SPATA9: variants seen among roughly 807,000 people sequenced by gnomAD.
SPATA9 encodes spermatogenesis-associated protein 9.
A neutral mutation model predicts 25.5 loss-of-function variants in SPATA9; 27 were observed. The observed-to-expected ratio is 1.06, with a 90% CI of 0.78 to 1.46. SPATA9 has a LOEUF of 1.46. Ranked by LOEUF, SPATA9 falls within the 40% of genes most tolerant of loss-of-function variation. The pLI, the probability that SPATA9 is intolerant of heterozygous loss-of-function variation, is 0.00. For synonymous variants in SPATA9, 102 were observed against 105.7 expected (o/e 0.97, Z 0.21); for missense variants, 282 against 297.5 (o/e 0.95, Z 0.38).
the SPATA9 span, chr5:95,732,057 G>C: frequency 6.2e-7 from 1 of 1,614,234 alleles, no homozygotes; most frequent in Non-Finnish European, 8.5e-7. Flanking sequence ...GGAATGTCAA[G>C]CTGGTGGTCC....
downstream of SPATA9, chr5:95,654,196 C>T (rs371927557): frequency 1.1e-5 from 18 of 1,612,852 alleles, no homozygotes; most frequent in South Asian, 3.3e-5. Flanking sequence ...TCATTTTCTA[C>T]CACAAGGGAG....
intron 3 of SPATA9, among the ~76,000 whole-genome samples, chr5:95,674,428 C>T (rs1422807741): frequency 1.3e-5 from 2 of 152,138 alleles, no homozygotes; most frequent in African/African-American, 2.4e-5. Flanking sequence ...CATCTCATGT[C>T]CTTGGTTTAG....
chr5:95,691,851 T>C (rs1303912027), intron 1 of SPATA9, among the ~76,000 whole-genome samples: 1 of 152,182 alleles, frequency 6.6e-6, no homozygotes, highest in Non-Finnish European at 1.5e-5. Context: ...ATCTTTATCA[T>C]ATTTAGTTTC....
At chr5:95,660,180 G>A (rs929118540) in intron 4 of SPATA9, among the ~76,000 whole-genome samples, 2 of 152,106 alleles carry the variant, frequency 1.3e-5, no homozygotes, top group African/African-American at 4.8e-5. Context: ...GGTCTGGTGA[G>A]GGCTGGTTTT....
chr5:95,705,253 C>T, the SPATA9 span, among the ~76,000 whole-genome samples: 2 of 152,160 alleles, frequency 1.3e-5, no homozygotes, highest in Non-Finnish European at 1.5e-5. Context: ...AGGCGTGAGC[C>T]ACCATGCCTA....
the SPATA9 span, among the ~76,000 whole-genome samples, chr5:95,725,780 C>T: frequency 6.6e-6 from 1 of 151,080 alleles, no homozygotes; most frequent in Non-Finnish European, 1.5e-5. Context: ...TGTGGTTGCT[C>T]TCATTGTAAT....
chr5:95,657,320 G>C (rs1159213387), downstream of SPATA9: 2 of 151,810 alleles, frequency 1.3e-5, no homozygotes, highest in Non-Finnish European at 2.9e-5. Flanking sequence ...TGGTCATACC[G>C]TACCAGTTGT....
intron 4 of SPATA9, among the ~76,000 whole-genome samples, chr5:95,659,860 T>C (rs1253462622): frequency 6.6e-6 from 1 of 152,148 alleles, no homozygotes; most frequent in Non-Finnish European, 1.5e-5. Flanking sequence ...TAAAATGATA[T>C]GTCTGCTGGG....
the SPATA9 span, chr5:95,719,896 T>C: frequency 6.6e-6 from 1 of 152,188 alleles, no homozygotes; most frequent in South Asian, 2.1e-4. Context: ...AATAAAAGTG[T>C]TTATAGACAC....
the SPATA9 span, among the ~76,000 whole-genome samples, chr5:95,722,807 G>T: frequency 6.6e-6 from 1 of 152,304 alleles, no homozygotes; most frequent in South Asian, 2.1e-4. Flanking sequence ...CGCTTTTCAA[G>T]AGCTAAATAA....
At chr5:95,659,911 A>G (rs142343536) in intron 4 of SPATA9, among the ~76,000 whole-genome samples, 66 of 152,264 alleles carry the variant, frequency 4.3e-4, no homozygotes, top group African/African-American at 1.4e-3. Flanking sequence ...TTTTCCTCCT[A>G]TATAGACTGT....
At chr5:95,655,076 T>C (rs558160971), downstream of SPATA9, among the ~76,000 whole-genome samples, 6 of 152,304 alleles carry the variant, frequency 3.9e-5, no homozygotes, top group Middle Eastern at 3.4e-3. Context: ...CGATGCAAAG[T>C]ACAAGCTTGA....
At chr5:95,712,803 T>A in the SPATA9 span, among the ~76,000 whole-genome samples, 1 of 152,240 alleles carries the variant, frequency 6.6e-6, no homozygotes, top group Non-Finnish European at 1.5e-5. Context: ...GAAATGGCTG[T>A]TTTAAGCCCC....
chr5:95,705,488 C>A, the SPATA9 span, among the ~76,000 whole-genome samples: 1 of 152,100 alleles, frequency 6.6e-6, no homozygotes, highest in Non-Finnish European at 1.5e-5. Flanking sequence ...ACAAAAAGTT[C>A]TCTGATTTTC....
chr5:95,682,140 C>G (rs1481559852), intron 2 of SPATA9, among the ~76,000 whole-genome samples: 1 of 152,162 alleles, frequency 6.6e-6, no homozygotes, highest in Non-Finnish European at 1.5e-5. Context: ...AAACACACAT[C>G]CATGTTGTAT....
upstream of SPATA9, among the ~76,000 whole-genome samples, chr5:95,703,382 C>G (rs1373318303): frequency 1.3e-5 from 2 of 152,070 alleles, no homozygotes; most frequent in Non-Finnish European, 2.9e-5. Flanking sequence ...GCCTGTAATC[C>G]CAGCACTTTT....
Position 95,658,788 on chromosome 5 carries a change from C to G in SPATA9, c.600G>C (p.Glu200Asp). The G allele has an allele frequency of 6.2e-7, 1 of 1,613,942 alleles. No homozygotes were observed. The highest frequency in any genetic ancestry group is 8.5e-7 in the Non-Finnish European group (1 of 1,179,914). ...TGATTTCACCTTCAGCAAACATAGG[C>G]TCCGAAAGCACAGGCTCAGAAAAGG... is the stretch of plus-strand genomic sequence containing the variant. ...RKAFSEPVLS[E>D]PMFAEGEIKA... The change falls in exon 5 of 5, where the codon GAG becomes GAC. Residue 200 changes from glutamate (E) to aspartate (D), a missense_variant. Physicochemically the swap from Glu to Asp is conservative, Grantham distance 45. Coordinates refer to ENST00000274432, the MANE Select transcript of SPATA9 (RefSeq NM_031952.4).
At chr5:95,661,821 TACATACACAC>T (rs887323813) in intron 4 of SPATA9, among the ~76,000 whole-genome samples, 1 of 151,988 alleles carries the variant, frequency 6.6e-6, no homozygotes, top group African/African-American at 2.4e-5. Flanking sequence ...CTAGTCAACT[TACATACACAC>T]ACATACACAC....
At chr5:95,695,599 A>AAAAC (rs925907331) in intron 1 of SPATA9, among the ~76,000 whole-genome samples, 17 of 152,336 alleles carry the variant, frequency 1.1e-4, no homozygotes, top group African/African-American at 3.4e-4. Context: ...CCCTGACTCA[A>AAAAC]AAACAAACAA....
Sources: gnomAD v4.1 joint callset for allele counts (sites outside exome capture counted in the v4.1 genomes callset) on GRCh38, gnomAD v4.1.1 for gene constraint, MANE v1.5 for transcripts, NCBI Gene and HGNC (gene_info 2026-07-23, HGNC 2026-07-21) for gene names.